ZNF704: variants seen among roughly 807,000 people sequenced by gnomAD.
ZNF704 encodes zinc finger protein 704.
Under a neutral mutation model 44.7 loss-of-function variants are expected in ZNF704, and 10 were observed. The observed-to-expected ratio is 0.22, with a 90% CI of 0.14 to 0.38. The LOEUF (loss-of-function observed/expected upper bound fraction) is 0.38. ZNF704 is among the 10% of genes least tolerant of loss of function. ZNF704 has a pLI of 1.00. For missense variants in ZNF704, 390 were observed against 545.5 expected (o/e 0.71, Z 2.84); for synonymous variants, 211 against 207.6 (o/e 1.02, Z -0.14).
At chr8:80,742,139 T>C in intron 2 of ZNF704, among the ~76,000 whole-genome samples, 1 of 151,634 alleles carries the variant, frequency 6.6e-6, no homozygotes, top group African/African-American at 2.4e-5. Flanking sequence ...GCCGGGGTCA[T>C]CAGAAAGGAA....
intron 2 of ZNF704, among the ~76,000 whole-genome samples, chr8:80,792,842 G>A (rs903140447): frequency 6.6e-6 from 1 of 152,158 alleles, no homozygotes; most frequent in African/African-American, 2.4e-5. Context: ...CCCTAGTTGA[G>A]CCTTCAGATA....
At chr8:80,676,032 A>G (rs2131620456) in intron 4 of ZNF704, among the ~76,000 whole-genome samples, 1 of 152,322 alleles carries the variant, frequency 6.6e-6, no homozygotes, top group African/African-American at 2.4e-5. Context: ...AAGCACAAAT[A>G]GAAGAAAGTG....
chr8:80,723,369 C>G (rs1806407786), intron 2 of ZNF704, among the ~76,000 whole-genome samples: 2 of 151,992 alleles, frequency 1.3e-5, no homozygotes, highest in Middle Eastern at 3.4e-3. Context: ...AACGTTAAAC[C>G]GTCAGGATTA....
intron 2 of ZNF704, among the ~76,000 whole-genome samples, chr8:80,712,870 G>T (rs1052006195): frequency 1.3e-5 from 2 of 151,512 alleles, no homozygotes; most frequent in African/African-American, 2.4e-5. Flanking sequence ...TGAAGTAGGG[G>T]TTTTTTTGTT....
chr8:80,881,434 A>G, the ZNF704 span, among the ~76,000 whole-genome samples: 1 of 152,204 alleles, frequency 6.6e-6, no homozygotes, highest in African/African-American at 2.4e-5. Flanking sequence ...TTTTTACAAC[A>G]TAATCTCATT....
intron 2 of ZNF704, among the ~76,000 whole-genome samples, chr8:80,745,875 G>C (rs1158732316): frequency 6.6e-6 from 1 of 152,126 alleles, no homozygotes; most frequent in Non-Finnish European, 1.5e-5. Context: ...ACAGGAACAA[G>C]CAGGCCCTTT....
chr8:80,731,293 C>T lies in ZNF704; in HGVS notation c.222-38186G>A, dbSNP rs1806577548. ...AAACAGCTGGTAAAAGCAAAATTGG[C>T]AGTTTTTCTAAATAAACGAGCTGGG... On this transcript the variant is annotated intron_variant, in intron 2 of 8. Transcript: ENST00000327835. 2.0e-5 allele frequency among the ~76,000 whole-genome samples: 3 copies of T among 152,196 alleles called. No homozygotes were observed. The South Asian group carries it at 6.2e-4, about 32-fold the overall frequency.
Position 80,639,883 on chromosome 8 carries a change from C to T in ZNF704, c.*1483G>A, listed in dbSNP as rs1224843125. 1 of 152,650 alleles carries T rather than the reference C, an allele frequency of 6.6e-6. No homozygotes were observed. Among genetic ancestry groups the T allele is most frequent in the Non-Finnish European group, 1.5e-5 (1 of 68,040 alleles). 9.5% of individuals were successfully genotyped at this position (152,650 alleles called of 1,614,324 possible). A position where few individuals can be genotyped will look rare whatever the true frequency, so the allele number is the denominator to read the frequency against. ...TATACAGTGCCTCCTATAAGGTGCT[C>T]TTCCTACTTTGCATAGGTATAGGAG... On this transcript the variant is annotated 3_prime_UTR_variant, in exon 9 of 9. Transcript: ENST00000327835.
chr8:80,883,884 T>A, the ZNF704 span, among the ~76,000 whole-genome samples: 1 of 152,150 alleles, frequency 6.6e-6, no homozygotes, highest in Non-Finnish European at 1.5e-5. Flanking sequence ...TTGCCTCCAG[T>A]GCTATTTTTA....
intron 7 of ZNF704, 67 bp downstream of exon 7, chr8:80,659,518 T>C: frequency 3.0e-6 from 4 of 1,322,106 alleles, no homozygotes; most frequent in Non-Finnish European, 3.3e-6. Flanking sequence ...GCCTCTACTA[T>C]TTGTTCGCTA....
intron 1 of ZNF704, among the ~76,000 whole-genome samples, chr8:80,846,486 A>C (rs1158970289): frequency 6.6e-6 from 1 of 152,016 alleles, no homozygotes; most frequent in Non-Finnish European, 1.5e-5. Context: ...TGACCAGGAG[A>C]TCTTTGAGGT....
chr8:80,705,973 C>T (rs1356299637), intron 2 of ZNF704, among the ~76,000 whole-genome samples: 1 of 152,220 alleles, frequency 6.6e-6, no homozygotes, highest in East Asian at 1.9e-4. Flanking sequence ...GGGAGCACCT[C>T]ATCCAGCAGA....
At chr8:80,802,944 G>A (rs761349616) in intron 2 of ZNF704, among the ~76,000 whole-genome samples, 32 of 151,968 alleles carry the variant, frequency 2.1e-4, no homozygotes, top group African/African-American at 6.8e-4. Context: ...AAATCCCATC[G>A]TCTCAGCCCA....
Position 80,742,283 on chromosome 8 carries a change from A to T in ZNF704, c.222-49176T>A, listed in dbSNP as rs1203483584. Among the ~76,000 whole-genome samples the T allele has an allele frequency of 5.3e-5, 8 of 152,224 alleles. No homozygotes were observed. In the South Asian group the frequency reaches 1.2e-3, roughly 24 times the overall value. On this transcript the variant is annotated intron_variant, in intron 2 of 8. Transcript: ENST00000327835. ...ACCCCCTCCAGGAAACCAAGCCCCA[A>T]TACTCAGCAGAAGAAATCGAATGGG...
At chr8:80,642,424 C>T (rs1042299698) in intron 8 of ZNF704, among the ~76,000 whole-genome samples, 4 of 152,204 alleles carry the variant, frequency 2.6e-5, no homozygotes, top group African/African-American at 9.6e-5. Context: ...CAGTTCGTTA[C>T]AGTCAATCTA....
intron 7 of ZNF704, among the ~76,000 whole-genome samples, chr8:80,649,385 C>T (rs531682977): frequency 4.6e-5 from 7 of 152,296 alleles, no homozygotes; most frequent in South Asian, 2.1e-4. Context: ...ACCCGGGAAG[C>T]GCAAGGGCTC....
intron 2 of ZNF704, among the ~76,000 whole-genome samples, chr8:80,773,921 T>C (rs753609358): frequency 3.3e-5 from 5 of 152,220 alleles, no homozygotes; most frequent in Non-Finnish European, 7.3e-5. Context: ...TGTTGGCCTA[T>C]ATTGACTGCC....
chr8:80,786,255 C>G (rs1157862221), intron 2 of ZNF704, among the ~76,000 whole-genome samples: 3 of 151,252 alleles, frequency 2.0e-5, no homozygotes, highest in Non-Finnish European at 3.0e-5. Context: ...AAAGCAGGAC[C>G]CTGTCTTAAA....
intron 2 of ZNF704, among the ~76,000 whole-genome samples, chr8:80,753,231 T>A (rs981060206): frequency 4.6e-5 from 7 of 152,202 alleles, no homozygotes; most frequent in Non-Finnish European, 8.8e-5. Flanking sequence ...AAAGCAAACC[T>A]GCCCAGGCTC....
Sources: gnomAD v4.1 joint callset for allele counts (sites outside exome capture counted in the v4.1 genomes callset) on GRCh38, gnomAD v4.1.1 for gene constraint, MANE v1.5 for transcripts, NCBI Gene and HGNC (gene_info 2026-07-23, HGNC 2026-07-21) for gene names.